SUGCT: variants seen among roughly 807,000 people sequenced by gnomAD.
SUGCT encodes succinyl-CoA:glutarate CoA-transferase.
In SUGCT, 41 loss-of-function variants were observed where a neutral mutation model predicts 55.0. The observed-to-expected ratio is 0.74, with a 90% CI of 0.58 to 0.97. The LOEUF (loss-of-function observed/expected upper bound fraction) is 0.97. SUGCT is among the 50% of genes least tolerant of loss of function. The pLI is 0.00. For missense variants in SUGCT, 568 were observed against 547.8 expected (o/e 1.04, Z -0.37); for synonymous variants, 187 against 200.4 (o/e 0.93, Z 0.56).
chr7:40,828,832 C>G (rs1013574), intron 13 of SUGCT, among the ~76,000 whole-genome samples: 30,773 of 151,992 alleles, frequency 0.2, 3,503 homozygotes, highest in East Asian at 0.51. Flanking sequence ...ACACCAGGCA[C>G]TGTTCTCATT....
At chr7:40,174,959 A>T (rs905100153) in intron 1 of SUGCT, among the ~76,000 whole-genome samples, 3 of 152,124 alleles carry the variant, frequency 2.0e-5, no homozygotes, top group Non-Finnish European at 1.5e-5. Context: ...GTGAGAAAAA[A>T]AATTTTATTG....
intron 12 of SUGCT, among the ~76,000 whole-genome samples, chr7:40,712,741 G>A: frequency 6.6e-6 from 1 of 152,208 alleles, no homozygotes; most frequent in East Asian, 1.9e-4. Context: ...TCTTACCTGA[G>A]GCCACAGGGG....
In SUGCT at chr7:40,322,273, G is replaced by T. The variant is rs554630681; in HGVS notation, c.816+5418G>T. Among the ~76,000 whole-genome samples, 16 of 152,180 alleles carry T rather than the reference G, an allele frequency of 1.1e-4. No individual in the cohort carries two copies. The East Asian group carries it at 2.9e-3, about 28-fold the overall frequency. ...TCCCTTCTCCTTTCTGGCTTCAGAG[G>T]TCCCTTGTCTCTCTTCTCCTTTTCA... On this transcript the variant is annotated intron_variant, in intron 9 of 13. Transcript: ENST00000335693.
intron 11 of SUGCT, among the ~76,000 whole-genome samples, chr7:40,485,417 CTTTTTTTTTTTT>C (rs397889166): frequency 0.092 from 6,922 of 75,296 alleles, 417 homozygotes; most frequent in Middle Eastern, 0.31. Context: ...TATATACATT[CTTTTTTTTTTTT>C]TTTTTTTTTT....
At chr7:40,541,961 G>T (rs1794709916) in intron 12 of SUGCT, among the ~76,000 whole-genome samples, 1 of 152,146 alleles carries the variant, frequency 6.6e-6, no homozygotes, top group Admixed American at 6.5e-5. Context: ...GGAGGACAGG[G>T]AGCTGTCACA....
chr7:40,211,767 C>T (rs1472268505), intron 6 of SUGCT, among the ~76,000 whole-genome samples: 1 of 152,014 alleles, frequency 6.6e-6, no homozygotes, highest in East Asian at 1.9e-4. Context: ...CTTCTCATGC[C>T]CCACCTCTCA....
the SUGCT span, among the ~76,000 whole-genome samples, chr7:40,951,647 T>C: frequency 5.9e-5 from 9 of 152,334 alleles, no homozygotes; most frequent in East Asian, 1.7e-3. Flanking sequence ...GATTCTGGTA[T>C]GTTGTGTCTT....
intron 12 of SUGCT, among the ~76,000 whole-genome samples, chr7:40,570,850 CTTTTTTTTTT>C (rs776733346): frequency 1.3e-4 from 7 of 52,262 alleles, no homozygotes; most frequent in African/African-American, 2.6e-4. Flanking sequence ...GCTTTAGGCT[CTTTTTTTTTT>C]TTTTTTTTTT....
intron 12 of SUGCT, among the ~76,000 whole-genome samples, chr7:40,511,822 C>T (rs1486339456): frequency 3.9e-5 from 6 of 152,064 alleles, no homozygotes; most frequent in South Asian, 4.2e-4. Context: ...TTACAATAAT[C>T]CTCCTTTTCT....
chr7:40,459,343 TAA>T, intron 11 of SUGCT, 145 bp downstream of exon 11: 1 of 588,864 alleles, frequency 1.7e-6, no homozygotes, highest in Non-Finnish European at 2.9e-6. Flanking sequence ...GGAGAGATTT[TAA>T]AGCTGTGGGG....
intron 8 of SUGCT, among the ~76,000 whole-genome samples, chr7:40,294,007 GCA>G (rs1793957929): frequency 6.6e-6 from 1 of 152,078 alleles, no homozygotes; most frequent in Non-Finnish European, 1.5e-5. Flanking sequence ...GAGTGCAGTG[GCA>G]CAATCTTGGT....
chr7:40,727,016 T>C (rs1203718), intron 12 of SUGCT, among the ~76,000 whole-genome samples: 56,578 of 152,098 alleles, frequency 0.37, 13,388 homozygotes, highest in African/African-American at 0.68. Flanking sequence ...TTTGGAGAAA[T>C]AGGTGAGGCC....
At chr7:40,459,508 TACAACA>T (rs1359076200) in intron 11 of SUGCT, among the ~76,000 whole-genome samples, 1 of 152,168 alleles carries the variant, frequency 6.6e-6, no homozygotes, top group Non-Finnish European at 1.5e-5. Context: ...TTATCATAAA[TACAACA>T]ACAACAACAA....
chr7:40,823,971 A>G (rs1468595543), intron 13 of SUGCT, among the ~76,000 whole-genome samples: 1 of 152,188 alleles, frequency 6.6e-6, no homozygotes, highest in Admixed American at 6.6e-5. Flanking sequence ...AGGGATAAAA[A>G]ATGAATAAGC....
At chr7:40,425,938 G>A (rs1562768460) in intron 9 of SUGCT, among the ~76,000 whole-genome samples, 1 of 152,136 alleles carries the variant, frequency 6.6e-6, no homozygotes. Context: ...TTCCTCAACA[G>A]TAAATTTATA....
the SUGCT span, among the ~76,000 whole-genome samples, chr7:40,923,673 T>C: frequency 6.6e-6 from 1 of 152,200 alleles, no homozygotes; most frequent in Non-Finnish European, 1.5e-5. Flanking sequence ...TGCAATTTTC[T>C]CTAGTCCATC....
At chr7:40,161,208 T>C (rs530497955) in intron 1 of SUGCT, among the ~76,000 whole-genome samples, 1 of 152,216 alleles carries the variant, frequency 6.6e-6, no homozygotes. Flanking sequence ...TTTCTCTTGC[T>C]CTTCAGAGTT....
At chr7:40,359,793 G>A (rs191738501) in intron 9 of SUGCT, among the ~76,000 whole-genome samples, 1 of 152,234 alleles carries the variant, frequency 6.6e-6, no homozygotes, top group Admixed American at 6.5e-5. Context: ...CAACTGCTTA[G>A]CACAGTGTTG....
At chr7:40,852,427 A>G (rs565413259) in intron 13 of SUGCT, among the ~76,000 whole-genome samples, 46 of 152,234 alleles carry the variant, frequency 3.0e-4, no homozygotes, top group African/African-American at 1.0e-3. Flanking sequence ...GCACAAAAGT[A>G]TTCCTTATTG....
Sources: gnomAD v4.1 joint callset for allele counts (sites outside exome capture counted in the v4.1 genomes callset) on GRCh38, gnomAD v4.1.1 for gene constraint, MANE v1.5 for transcripts, NCBI Gene and HGNC (gene_info 2026-07-23, HGNC 2026-07-21) for gene names.